TSPAN4: variants seen among roughly 807,000 people sequenced by gnomAD.
TSPAN4 encodes tetraspanin 4.
Under a neutral mutation model 31.5 loss-of-function variants are expected in TSPAN4, and 38 were observed. That is an observed-to-expected ratio of 1.21 (90% CI 0.93 to 1.58). The LOEUF is 1.58. Among genes scored for constraint, TSPAN4 ranks in the 40% most tolerant of loss-of-function variants. The pLI, the probability that TSPAN4 is intolerant of heterozygous loss-of-function variation, is 0.00. For missense variants in TSPAN4, 330 were observed against 317.3 expected (o/e 1.04, Z -0.30); for synonymous variants, 186 against 144.6 (o/e 1.29, Z -2.06).
chr11:850,188 G>C, intron 2 of TSPAN4, 100 bp from the exon 3 acceptor site: 4 of 1,001,006 alleles, frequency 4.0e-6, no homozygotes, highest in Non-Finnish European at 2.9e-6. Context: ...CGGCCTGCAC[G>C]CGAACCCCGG....
chr11:862,961 T>G, intron 4 of TSPAN4: 1 of 563,482 alleles, frequency 1.8e-6, no homozygotes. Context: ...TGGGGGTCAC[T>G]CAAGAGAACG....
Position 865,842 on chromosome 11 carries a change from C to T in TSPAN4, c.564+17C>T. On this transcript the variant is annotated intron_variant, in intron 7 of 8. Transcript: ENST00000397397. ...TGGAAGGCGGTGAGTGAGACCCCCA[C>T]CCTGGGGGCTGGTAGGGGCCTAGAG... The T allele has an allele frequency of 2.5e-6, 4 of 1,612,316 alleles. No homozygotes were observed. Among genetic ancestry groups the T allele is most frequent in the Non-Finnish European group, 3.4e-6 (4 of 1,179,664 alleles).
At chr11:864,180 CAGGGG>C (rs1459876620) in intron 4 of TSPAN4, 1 of 570,310 alleles carries the variant, frequency 1.8e-6, no homozygotes, top group African/African-American at 1.9e-5. Context: ...GGGATGGGGG[CAGGGG>C]AGGGGAGCCC....
At chr11:846,897 G>C (rs1304032392) in intron 1 of TSPAN4, among the ~76,000 whole-genome samples, 1 of 152,198 alleles carries the variant, frequency 6.6e-6, no homozygotes, top group African/African-American at 2.4e-5. Context: ...CTTTGAACAT[G>C]TGTTCTCTGC....
At chr11:856,193 G>A (rs1225224565) in intron 3 of TSPAN4, among the ~76,000 whole-genome samples, 1 of 152,230 alleles carries the variant, frequency 6.6e-6, no homozygotes. Flanking sequence ...AGCCTCTTGG[G>A]TGGGTGCTGA....
intron 1 of TSPAN4, chr11:844,390 C>G (rs1302034622): frequency 6.6e-6 from 1 of 152,374 alleles, no homozygotes; most frequent in Non-Finnish European, 1.5e-5. Context: ...CTTGGAATTC[C>G]GAGTGTGTGC....
At chr11:853,976 G>A (rs1847898068) in intron 3 of TSPAN4, among the ~76,000 whole-genome samples, 1 of 152,194 alleles carries the variant, frequency 6.6e-6, no homozygotes, top group Admixed American at 6.5e-5. Flanking sequence ...CAATGGTGAG[G>A]GCGTGGGGGG....
At chr11:849,647 C>G (rs936504714) in intron 2 of TSPAN4, among the ~76,000 whole-genome samples, 2 of 151,814 alleles carry the variant, frequency 1.3e-5, no homozygotes, top group South Asian at 2.1e-4. Flanking sequence ...GGCTGGGGCG[C>G]CGGCGCGGGC....
chr11:855,099 G>A (rs149489061), intron 3 of TSPAN4, among the ~76,000 whole-genome samples: 16 of 152,228 alleles, frequency 1.1e-4, no homozygotes, highest in Admixed American at 2.6e-4. Flanking sequence ...TTGGGGGTAG[G>A]TCAGACTTGT....
intron 3 of TSPAN4, chr11:862,340 G>C (rs375103781): frequency 9.9e-5 from 56 of 563,324 alleles, no homozygotes; most frequent in African/African-American, 3.6e-4. Flanking sequence ...GTGGGTTTGG[G>C]GATGGGGTGC....
chr11:851,535 G>A (rs969815524), intron 3 of TSPAN4, among the ~76,000 whole-genome samples: 17 of 152,168 alleles, frequency 1.1e-4, no homozygotes, highest in African/African-American at 4.1e-4. Flanking sequence ...TCCCTGGGAG[G>A]GACAGCCAGC....
At chr11:850,100 C>T in intron 2 of TSPAN4, 188 bp from the exon 3 acceptor site, 1 of 459,684 alleles carries the variant, frequency 2.2e-6, no homozygotes. Flanking sequence ...AGCCGGACTT[C>T]GCGCGCGGCG....
rs1222454196 is a variant in TSPAN4, at chr11:847,255, C to G, written c.-63C>G. 2 of 152,276 alleles carry G rather than the reference C, an allele frequency of 1.3e-5. No individual in the cohort carries two copies. The highest frequency in any genetic ancestry group is 4.8e-5 in the African/African-American group (2 of 41,450). The allele number at this position is 152,276 out of a possible 1,614,324, so 9.4% of individuals were successfully genotyped here. On this transcript the variant is annotated 5_prime_UTR_variant, in exon 2 of 9. Transcript: ENST00000397397. ...ACCTGCCTGCCCACTGGTCAGCCTT[C>G]AGGGACCCTGAGCACCGCCTGGTCT...
At chr11:865,315 C>G (rs1448472767) in intron 5 of TSPAN4, 198 bp from the exon 6 acceptor site, 1 of 589,696 alleles carries the variant, frequency 1.7e-6, no homozygotes, top group African/African-American at 1.9e-5. Context: ...GGGGAGGAAG[C>G]CCAGAGGTGG....
rs369158867 is a variant in TSPAN4, at chr11:848,964, G to C, written c.-17-1324G>C. On this transcript the variant is annotated intron_variant, in intron 2 of 8. Coordinates refer to ENST00000397397, the MANE Select transcript of TSPAN4 (RefSeq NM_003271.5). This position sits in a 1 kb window ranked among gnomAD's most constrained non-coding sequence, Gnocchi z 5.7. The stretch of plus-strand genomic sequence containing the variant: ...TCTGTACCTGTCAAGGGGTGGGGTG[G>C]GGTCTTTTACAGGCTGACTTCCAGC... The C allele has an allele frequency of 8.8e-6, 6 of 682,110 alleles. No homozygotes were observed. The African/African-American group carries it at 1.1e-4, about 12-fold the overall frequency. The allele number at this position is 682,110 out of a possible 1,614,324, so 42.3% of individuals were successfully genotyped here. A position where few individuals can be genotyped will look rare whatever the true frequency, so the allele number is the denominator to read the frequency against.
At chr11:846,828 G>A (rs1383217541) in intron 1 of TSPAN4, among the ~76,000 whole-genome samples, 1 of 152,188 alleles carries the variant, frequency 6.6e-6, no homozygotes, top group South Asian at 2.1e-4. Flanking sequence ...CTGCGTGTCT[G>A]TGTGGGTGCA....
intron 3 of TSPAN4, among the ~76,000 whole-genome samples, chr11:851,250 G>C (rs967396877): frequency 6.6e-6 from 1 of 152,242 alleles, no homozygotes; most frequent in African/African-American, 2.4e-5. Context: ...AGGATGACCT[G>C]GACCGGGCCT....
intron 2 of TSPAN4, chr11:849,940 G>C (rs1847561649): frequency 6.6e-6 from 1 of 150,878 alleles, no homozygotes; most frequent in South Asian, 2.0e-4. Flanking sequence ...GCAGGAGCGG[G>C]GCCGGAGCAG....
chr11:856,233 TA>T (rs749280076), intron 3 of TSPAN4, among the ~76,000 whole-genome samples: 1 of 152,246 alleles, frequency 6.6e-6, no homozygotes, highest in South Asian at 2.1e-4. Flanking sequence ...TTTGGGCTCC[TA>T]ATCTTGGGCA....
Sources: gnomAD v4.1 joint callset for allele counts (sites outside exome capture counted in the v4.1 genomes callset) on GRCh38, gnomAD v4.1.1 for gene constraint, Gnocchi (gnomAD v3.1) non-coding constraint, MANE v1.5 for transcripts, NCBI Gene and HGNC (gene_info 2026-07-23, HGNC 2026-07-21) for gene names.